The following ITPK1 variants were observed in gnomAD, a reference collection of about 807,000 sequenced individuals.
The protein encoded by ITPK1 is inositol-tetrakisphosphate 1-kinase.
ITPK1 carries 21 observed loss-of-function variants against 45.3 expected under a neutral mutation model. The observed-to-expected ratio is 0.46, with a 90% CI of 0.33 to 0.67. The LOEUF is 0.67. Ranked by LOEUF, ITPK1 falls within the 30% of genes least tolerant of loss-of-function variation. ITPK1 has a pLI of 0.02. For missense variants in ITPK1, 474 were observed against 573.5 expected (o/e 0.83, Z 1.77); for synonymous variants, 258 against 253.6 (o/e 1.02, Z -0.16).
chr14:92,951,045 G>A (rs990863850), intron 9 of ITPK1, among the ~76,000 whole-genome samples: 1 of 152,222 alleles, frequency 6.6e-6, no homozygotes, highest in Non-Finnish European at 1.5e-5. Flanking sequence ...CGAGGGACAC[G>A]AGCACTGCCA....
rs547774293 is a variant in ITPK1 at position 93,076,890 on chromosome 14, G to C, written c.96-271C>G. Among the ~76,000 whole-genome samples, 2 of 152,200 alleles carry C rather than the reference G, an allele frequency of 1.3e-5. No individual in the cohort carries two copies. Among genetic ancestry groups the C allele is most frequent in the South Asian group, 4.2e-4 (2 of 4,818 alleles). On this transcript the variant is annotated intron_variant, in intron 2 of 10. Transcript: ENST00000267615. This position sits in a 1 kb window ranked among gnomAD's most constrained non-coding sequence, Gnocchi z 4.3. ...CGCCAGCCACCTCCCTCCACTCCTG[G>C]GCCGGGCCTCTGTCAGCCGAGCTCC...
At chr14:93,030,550 C>G (rs994472027) in intron 3 of ITPK1, among the ~76,000 whole-genome samples, 2 of 152,180 alleles carry the variant, frequency 1.3e-5, no homozygotes, top group African/African-American at 2.4e-5. Context: ...ACCGCCAGGT[C>G]CCTGTCCTCA....
chr14:93,096,104 C>A (rs1001680939), intron 2 of ITPK1, among the ~76,000 whole-genome samples: 1 of 152,182 alleles, frequency 6.6e-6, no homozygotes, highest in Non-Finnish European at 1.5e-5. Context: ...GGCCTTGCCC[C>A]GGCCACGTCC....
At position 93,032,008 on chromosome 14, in the gene ITPK1, G is replaced by A. The variant is rs755198098; in HGVS notation, c.121-15207C>T. 3.9e-4 allele frequency among the ~76,000 whole-genome samples: 59 copies of A among 152,174 alleles called. No homozygotes were observed. The highest frequency in any genetic ancestry group is 1.1e-3 in the African/African-American group (46 of 41,456). Reference sequence around the variant, plus strand: ...TTCTATATTCATTGCTTTCCAATCCGAAGAGAGCATTCCTTGAGGCAGTTT... The same window carrying A: ...TTCTATATTCATTGCTTTCCAATCCAAAGAGAGCATTCCTTGAGGCAGTTT... On this transcript the variant is annotated intron_variant, in intron 3 of 10. Transcript: ENST00000267615. The surrounding 1 kb of genome is among the most constrained non-coding windows in gnomAD (Gnocchi z 4.0).
chr14:93,035,061 G>T (rs1267697930), intron 3 of ITPK1, among the ~76,000 whole-genome samples: 1 of 152,212 alleles, frequency 6.6e-6, no homozygotes, highest in Non-Finnish European at 1.5e-5. Flanking sequence ...GGGGCTTCAG[G>T]ACAACAGCCT....
intron 3 of ITPK1, among the ~76,000 whole-genome samples, chr14:93,037,319 GGTGT>G (rs1889366855): frequency 6.6e-6 from 1 of 152,336 alleles, no homozygotes; most frequent in Admixed American, 6.5e-5. Flanking sequence ...GGTGTGTGTG[GGTGT>G]GTGTCTGCCT....
intron 3 of ITPK1, among the ~76,000 whole-genome samples, chr14:93,040,957 C>A (rs1889536412): frequency 6.6e-6 from 1 of 152,192 alleles, no homozygotes; most frequent in Admixed American, 6.5e-5. Flanking sequence ...AGGTGTCGTG[C>A]ACATTCAACA....
chr14:93,011,687 C>A (rs1887918630), intron 4 of ITPK1, among the ~76,000 whole-genome samples: 1 of 152,122 alleles, frequency 6.6e-6, no homozygotes, highest in Non-Finnish European at 1.5e-5. Flanking sequence ...CATGCAGGGG[C>A]ACCTGGGGCT....
chr14:92,945,694 T>C (rs551490280), intron 10 of ITPK1, among the ~76,000 whole-genome samples: 26 of 152,290 alleles, frequency 1.7e-4, no homozygotes, highest in Non-Finnish European at 7.4e-5. Flanking sequence ...TCGTTCCTCA[T>C]GCCCTGTGCT....
At chr14:93,105,540 G>A (rs1308963551) in intron 2 of ITPK1, among the ~76,000 whole-genome samples, 5 of 96,600 alleles carry the variant, frequency 5.2e-5, no homozygotes, top group Non-Finnish European at 1.1e-4. Flanking sequence ...TTTTTTTTTT[G>A]GAGACGGAGT....
At chr14:92,993,761 T>C in intron 5 of ITPK1, 119 bp downstream of exon 5, 1 of 681,200 alleles carries the variant, frequency 1.5e-6, no homozygotes, top group South Asian at 1.7e-5. Context: ...TTCAAATGCT[T>C]CCTGCCCCAA....
At chr14:93,109,876 A>G (rs1892675033) in intron 2 of ITPK1, among the ~76,000 whole-genome samples, 1 of 152,148 alleles carries the variant, frequency 6.6e-6, no homozygotes, top group Non-Finnish European at 1.5e-5. Flanking sequence ...AGAACACTAA[A>G]TCTACAAAGG....
chr14:92,962,875 G>A (rs1885159971), intron 5 of ITPK1, 26 bp from the exon 6 acceptor site: 1 of 1,549,624 alleles, frequency 6.5e-7, no homozygotes, highest in Non-Finnish European at 8.9e-7. Flanking sequence ...GGCCTGGTCA[G>A]CACAGCTCCT....
chr14:93,077,093 A>T (rs539246798), intron 2 of ITPK1, among the ~76,000 whole-genome samples: 5 of 152,154 alleles, frequency 3.3e-5, no homozygotes, highest in Non-Finnish European at 7.4e-5. Flanking sequence ...AGGCCCACAC[A>T]GTCCTGCCCG....
At chr14:92,980,823 T>A (rs920661812) in intron 5 of ITPK1, among the ~76,000 whole-genome samples, 1 of 152,160 alleles carries the variant, frequency 6.6e-6, no homozygotes, top group Non-Finnish European at 1.5e-5. Flanking sequence ...TTCTCCTGCC[T>A]CAGCCTCCGA....
At chr14:92,964,470 G>A (rs747722073) in intron 5 of ITPK1, among the ~76,000 whole-genome samples, 6 of 152,348 alleles carry the variant, frequency 3.9e-5, no homozygotes, top group South Asian at 2.1e-4. Flanking sequence ...CAGGCAGGGC[G>A]GGAATGCTGT....
intron 3 of ITPK1, among the ~76,000 whole-genome samples, chr14:93,054,452 CA>C (rs1890141727): frequency 3.3e-5 from 5 of 152,168 alleles, no homozygotes; most frequent in Admixed American, 3.3e-4. Context: ...TGCCCAGAAA[CA>C]GACCCTATAT....
rs118093499 is a variant in ITPK1, at chr14:92,980,280, A to G, written c.364+13600T>C. Among the ~76,000 whole-genome samples, 577 of 152,292 alleles carry G rather than the reference A, an allele frequency of 3.8e-3. 2 individuals are homozygous for G. The highest frequency in any genetic ancestry group is 6.8e-3 in the Non-Finnish European group (462 of 68,024). On this transcript the variant is annotated intron_variant, in intron 5 of 10. Transcript: ENST00000267615. ...AAGAGAACACCACCCAGCCCTGACAATGTTCTTGGCTGAGCCAGAGCCCCT... is the reference window on the plus strand; with the variant it reads ...AAGAGAACACCACCCAGCCCTGACAGTGTTCTTGGCTGAGCCAGAGCCCCT...
chr14:93,076,495 G>A lies in ITPK1; in HGVS notation c.120+100C>T. The A allele has an allele frequency of 2.9e-6, 4 of 1,356,740 alleles. No homozygotes were observed. The South Asian group carries it at 4.7e-5, about 16-fold the overall frequency. The allele number at this position is 1,356,740 out of a possible 1,614,324, so 84.0% of individuals were successfully genotyped here. A position where few individuals can be genotyped will look rare whatever the true frequency, so the allele number is the denominator to read the frequency against. ...AAACAAGCTGCACGTGAAGAAGAGAGAAAGCCGTGCCCAATGCTGGAGGAG... is the reference window on the plus strand; with the variant it reads ...AAACAAGCTGCACGTGAAGAAGAGAAAAAGCCGTGCCCAATGCTGGAGGAG... On this transcript the variant is annotated intron_variant, in intron 3 of 10. Coordinates refer to ENST00000267615, the MANE Select transcript of ITPK1 (RefSeq NM_014216.6). This position sits in a 1 kb window ranked among gnomAD's most constrained non-coding sequence, Gnocchi z 4.3.
Sources: gnomAD v4.1 joint callset for allele counts (sites outside exome capture counted in the v4.1 genomes callset) on GRCh38, gnomAD v4.1.1 for gene constraint, Gnocchi (gnomAD v3.1) non-coding constraint, MANE v1.5 for transcripts, NCBI Gene and HGNC (gene_info 2026-07-23, HGNC 2026-07-21) for gene names.